Variants in KCNH8 observed in about 807,000 individuals in gnomAD.
The protein encoded by KCNH8 is potassium voltage-gated channel subfamily H member 8.
KCNH8 carries 70 observed loss-of-function variants against 103.6 expected under a neutral mutation model. That is an observed-to-expected ratio of 0.68 (90% confidence interval 0.56 to 0.82). KCNH8 has a LOEUF of 0.82. KCNH8 is among the 40% of genes least tolerant of loss of function. The pLI is 0.00. For missense variants in KCNH8, 1,217 were observed against 1,329.9 expected (o/e 0.92, Z 1.32); for synonymous variants, 498 against 489.4 (o/e 1.02, Z -0.23).
chr3:19,306,055 G>T (rs1160609357), intron 3 of KCNH8, among the ~76,000 whole-genome samples: 1 of 152,100 alleles, frequency 6.6e-6, no homozygotes, highest in Non-Finnish European at 1.5e-5. Context: ...TGGTGTGAAA[G>T]AAATGGGAGG....
intron 5 of KCNH8, among the ~76,000 whole-genome samples, chr3:19,349,175 T>C (rs2065767057): frequency 6.6e-6 from 1 of 152,094 alleles, no homozygotes; most frequent in Non-Finnish European, 1.5e-5. Context: ...ATTTTTAATT[T>C]TTTTATTTTA....
intron 3 of KCNH8, among the ~76,000 whole-genome samples, chr3:19,309,721 A>G (rs941343032): frequency 2.0e-5 from 3 of 151,958 alleles, no homozygotes; most frequent in Non-Finnish European, 4.4e-5. Context: ...TTCAGAAGGA[A>G]AACATTTAGA....
chr3:19,372,618 A>G (rs1361554820), intron 5 of KCNH8, among the ~76,000 whole-genome samples: 1 of 151,986 alleles, frequency 6.6e-6, no homozygotes, highest in Non-Finnish European at 1.5e-5. Context: ...TCTCCTGCCT[A>G]ATTGCCCTGG....
At position 19,306,930 on chromosome 3, in the gene KCNH8, A is replaced by C. The variant is rs867057202; in HGVS notation, c.442+25601A>C. ...AGCCAAAGCAATCCTGAGCAAAAAA[A>C]GAAGAAACCTGGCAGTATTACACTA... On this transcript the variant is annotated intron_variant, in intron 3 of 15. Transcript: ENST00000328405. Among the ~76,000 whole-genome samples, 42 of 152,208 alleles carry C rather than the reference A, an allele frequency of 2.8e-4. 3 individuals carry two copies. The highest frequency in any genetic ancestry group is 2.7e-3 in the South Asian group (13 of 4,826).
intron 3 of KCNH8, among the ~76,000 whole-genome samples, chr3:19,315,289 G>C (rs1210423720): frequency 6.6e-6 from 1 of 151,920 alleles, no homozygotes; most frequent in Non-Finnish European, 1.5e-5. Flanking sequence ...GTGGTCCAAG[G>C]ATACCCTACA....
chr3:19,319,420 G>A (rs2065320497), intron 3 of KCNH8, among the ~76,000 whole-genome samples: 1 of 151,964 alleles, frequency 6.6e-6, no homozygotes, highest in African/African-American at 2.4e-5. Flanking sequence ...GTTGAATAGG[G>A]TGTCCTTTCC....
intron 11 of KCNH8, among the ~76,000 whole-genome samples, chr3:19,501,625 C>T (rs372321153): frequency 2.0e-3 from 307 of 152,232 alleles, no homozygotes; most frequent in Non-Finnish European, 3.0e-3. Context: ...GTTCAACATA[C>T]GCAAATCAAT....
chr3:19,162,408 G>A (rs2063242736), intron 1 of KCNH8, among the ~76,000 whole-genome samples: 1 of 151,222 alleles, frequency 6.6e-6, no homozygotes, highest in Non-Finnish European at 1.5e-5. Flanking sequence ...GTCTGTGGCT[G>A]ACGCATGGGA....
At chr3:19,335,272 C>G (rs1413824718) in intron 3 of KCNH8, among the ~76,000 whole-genome samples, 3 of 151,546 alleles carry the variant, frequency 2.0e-5, no homozygotes, top group African/African-American at 7.3e-5. Flanking sequence ...ATTTACAGAT[C>G]TGCTGAATTA....
intron 1 of KCNH8, among the ~76,000 whole-genome samples, chr3:19,230,110 C>A (rs1233918288): frequency 2.0e-5 from 3 of 152,100 alleles, no homozygotes; most frequent in Admixed American, 6.6e-5. Context: ...ACCATCAGAG[C>A]TCATGAGACT....
At chr3:19,350,770 T>TG (rs1243223786) in intron 5 of KCNH8, among the ~76,000 whole-genome samples, 1 of 152,014 alleles carries the variant, frequency 6.6e-6, no homozygotes, top group African/African-American at 2.4e-5. Flanking sequence ...AACACAAAGA[T>TG]GGGGAGAAAC....
chr3:19,458,954 A>G (rs2067577742), intron 11 of KCNH8, among the ~76,000 whole-genome samples: 1 of 151,976 alleles, frequency 6.6e-6, no homozygotes, highest in South Asian at 2.1e-4. Context: ...GCTGAATAGT[A>G]TTTCATTGTG....
chr3:19,361,322 G>C (rs2065944167), intron 5 of KCNH8, among the ~76,000 whole-genome samples: 1 of 152,032 alleles, frequency 6.6e-6, no homozygotes, highest in African/African-American at 2.4e-5. Context: ...TGCCCAAACA[G>C]TTGAAAGTCT....
Position 19,148,662 on chromosome 3 carries a change from C to G in KCNH8, c.-58C>G, listed in dbSNP as rs527567975. ...CCCCTTCTCCCTTCTTGGCACTTTC[C>G]TTTCGAACCATCCTTCTGGACAAAC... On this transcript the variant is annotated 5_prime_UTR_variant, in exon 1 of 16. Coordinates refer to ENST00000328405, the MANE Select transcript of KCNH8 (RefSeq NM_144633.3). 1 of 1,559,036 alleles carries G rather than the reference C, an allele frequency of 6.4e-7. No individual in the cohort carries two copies. Among genetic ancestry groups the G allele is most frequent in the Admixed American group, 1.7e-5 (1 of 59,964 alleles).
intron 5 of KCNH8, among the ~76,000 whole-genome samples, chr3:19,353,166 C>T (rs924331791): frequency 6.6e-6 from 1 of 152,092 alleles, no homozygotes; most frequent in African/African-American, 2.4e-5. Flanking sequence ...CACATACACC[C>T]TCCCAAGGCT....
intron 1 of KCNH8, among the ~76,000 whole-genome samples, chr3:19,150,023 T>C (rs2063113214): frequency 6.6e-6 from 1 of 152,240 alleles, no homozygotes; most frequent in African/African-American, 2.4e-5. Flanking sequence ...TGTTCAGTTT[T>C]TATTTTTGAC....
chr3:19,476,560 G>A (rs1325839800), intron 11 of KCNH8, among the ~76,000 whole-genome samples: 1 of 151,998 alleles, frequency 6.6e-6, no homozygotes, highest in Non-Finnish European at 1.5e-5. Context: ...GTCACTGGGG[G>A]GCATGGGATC....
At chr3:19,148,919 G>A in intron 1 of KCNH8, 124 bp downstream of exon 1, 5 of 867,140 alleles carry the variant, frequency 5.8e-6, no homozygotes, top group Non-Finnish European at 9.6e-6. Flanking sequence ...TTCTTGCCAA[G>A]GTATCTTTTG....
chr3:19,186,023 A>C (rs1044126338), intron 1 of KCNH8, among the ~76,000 whole-genome samples: 7 of 152,008 alleles, frequency 4.6e-5, no homozygotes, highest in Non-Finnish European at 1.5e-5. Context: ...GACAAACTTT[A>C]GTGTCTCATG....
Sources: gnomAD v4.1 joint callset for allele counts (sites outside exome capture counted in the v4.1 genomes callset) on GRCh38, gnomAD v4.1.1 for gene constraint, MANE v1.5 for transcripts, NCBI Gene and HGNC (gene_info 2026-07-23, HGNC 2026-07-21) for gene names.